The following CDKAL1 variants were observed in gnomAD, a reference collection of about 807,000 sequenced individuals.
The protein encoded by CDKAL1 is CDKAL1 threonylcarbamoyladenosine tRNA methylthiotransferase, also known as threonylcarbamoyladenosine tRNA methylthiotransferase.
Under a neutral mutation model 68.2 loss-of-function variants are expected in CDKAL1, and 32 were observed. The observed-to-expected ratio is 0.47, with a 90% CI of 0.35 to 0.63. CDKAL1 has a LOEUF of 0.63. CDKAL1 is among the 30% of genes least tolerant of loss of function. The pLI, the probability that CDKAL1 is intolerant of heterozygous loss-of-function variation, is 0.00. For synonymous variants in CDKAL1, 234 were observed against 244.3 expected, an observed-to-expected ratio of 0.96 and a Z score of 0.39; for missense variants, 606 against 696.7, an observed-to-expected ratio of 0.87 and a Z score of 1.47.
At position 21,146,850 on chromosome 6, in the gene CDKAL1, C is replaced by CAA. The variant is rs1194653980; in HGVS notation, c.1299+38408_1299+38409dup. ...TGGGCGACAGAGCGAGACTCCGTCT[C>CAA]AAAAAAAAAAAAAAAAAAAAAAGAT... On this transcript the variant is annotated intron_variant, in intron 13 of 15. Transcript: ENST00000274695. 3.8e-3 allele frequency among the ~76,000 whole-genome samples: 297 copies of CAA among 77,786 alleles called. 1 individual carries two copies. Among genetic ancestry groups the CAA allele is most frequent in the African/African-American group, 8.1e-3 (153 of 18,894 alleles). The allele number at this position is 77,786 out of a possible 152,430, so 51.0% of individuals were successfully genotyped here. A position where few individuals can be genotyped will look rare whatever the true frequency, so the allele number is the denominator to read the frequency against.
At chr6:21,100,572 C>G (rs1048916001) in intron 12 of CDKAL1, among the ~76,000 whole-genome samples, 57 of 152,286 alleles carry the variant, frequency 3.7e-4, no homozygotes, top group African/African-American at 1.3e-3. Context: ...CCTTCTTTTT[C>G]TTTGTTTTCC....
At chr6:21,182,168 T>G (rs1156550945) in intron 13 of CDKAL1, among the ~76,000 whole-genome samples, 1 of 152,238 alleles carries the variant, frequency 6.6e-6, no homozygotes, top group Non-Finnish European at 1.5e-5. Context: ...AGCTGCTCTT[T>G]GTTATGAAGA....
rs752407516 is a variant in CDKAL1, at chr6:20,781,190, G to C, written c.563G>C (p.Arg188Pro). The C allele has an allele frequency of 6.2e-7, 1 of 1,613,730 alleles. No homozygotes were observed. The highest frequency in any genetic ancestry group is 8.5e-7 in the Non-Finnish European group (1 of 1,179,854). The change falls in exon 8 of 16, where the codon CGG (arginine) becomes CCG (proline). Residue 188 changes from arginine (R) to proline (P), a missense_variant. Transcript: ENST00000274695. Reference protein sequence around the residue: ...LLGQKKDNGRRLGGARLDLPK... With the variant: ...LLGQKKDNGRPLGGARLDLPK... ...GGTCAGAAAAAGGATAATGGAAGGC[G>C]GCTTGGGGGAGCACGATTGGATTTG...
At chr6:20,541,050 T>A (rs756942721) in intron 2 of CDKAL1, among the ~76,000 whole-genome samples, 13 of 152,148 alleles carry the variant, frequency 8.5e-5, no homozygotes, top group Non-Finnish European at 1.8e-4. Flanking sequence ...CTAGTGCAAT[T>A]TCTTACTGCA....
intron 13 of CDKAL1, among the ~76,000 whole-genome samples, chr6:21,180,734 T>A (rs1196461237): frequency 6.6e-6 from 1 of 152,200 alleles, no homozygotes; most frequent in East Asian, 1.9e-4. Context: ...AGCAATTACA[T>A]CTTTTCAAAG....
chr6:20,846,433 C>G (rs1561826825), intron 9 of CDKAL1, among the ~76,000 whole-genome samples: 1 of 152,146 alleles, frequency 6.6e-6, no homozygotes, highest in Non-Finnish European at 1.5e-5. Flanking sequence ...TATCACCCAC[C>G]TCTAGACTCC....
intron 13 of CDKAL1, among the ~76,000 whole-genome samples, chr6:21,176,708 T>G (rs995840532): frequency 6.7e-6 from 1 of 148,484 alleles, no homozygotes; most frequent in African/African-American, 2.5e-5. Context: ...TTTTTTTTTT[T>G]TTTTGAGACG....
In CDKAL1 at chr6:20,809,612, C is replaced by A. The variant is rs967570861; in HGVS notation, c.638+28347C>A. 3.3e-5 allele frequency among the ~76,000 whole-genome samples: 5 copies of A among 152,190 alleles called. No individual in the cohort carries two copies. The South Asian group carries it at 8.3e-4, about 25-fold the overall frequency. ...TTTTTTTTCTGTTCTCATATGCTTT[C>A]CCCAGAATGCATCATTCTAGTGAAT... On this transcript the variant is annotated intron_variant, in intron 8 of 15. Transcript: ENST00000274695.
intron 10 of CDKAL1, among the ~76,000 whole-genome samples, chr6:20,983,424 A>C (rs1766264270): frequency 6.6e-6 from 1 of 152,222 alleles, no homozygotes; most frequent in African/African-American, 2.4e-5. Flanking sequence ...TATATATCAG[A>C]AACTATACAA....
chr6:21,172,967 C>T (rs1777445574), intron 13 of CDKAL1, among the ~76,000 whole-genome samples: 1 of 150,330 alleles, frequency 6.7e-6, no homozygotes. Context: ...GTAATATTCT[C>T]CTGGTTCTTA....
chr6:20,664,552 G>GA (rs1769437635), intron 5 of CDKAL1, among the ~76,000 whole-genome samples: 1 of 152,114 alleles, frequency 6.6e-6, no homozygotes, highest in South Asian at 2.1e-4. Flanking sequence ...CCTCAAATGA[G>GA]AAAATGGTTT....
chr6:20,846,127 G>T lies in CDKAL1; in HGVS notation c.691G>T (p.Ala231Ser), dbSNP rs747453960. 1.2e-6 allele frequency: 2 copies of T among 1,613,140 alleles called. No homozygotes were observed. The highest frequency in any genetic ancestry group is 2.2e-5 in the East Asian group (1 of 44,786). ...CKTKHARGNL[A>S]SYPIDELVDR... is the part of the protein sequence containing the mutation. ...AACTAAACACGCCAGAGGAAATTTG[G>T]CCAGTTATCCAATTGATGAACTAGT... is the stretch of plus-strand genomic sequence containing the variant. Residue 231 changes from alanine to serine, a missense_variant, in exon 9 of 16, where the codon GCC (alanine) becomes TCC (serine). Ala to Ser is a moderately conservative substitution (Grantham distance 99). Transcript: ENST00000274695.
intron 13 of CDKAL1, among the ~76,000 whole-genome samples, chr6:21,125,328 T>C (rs1215747478): frequency 1.3e-5 from 2 of 152,136 alleles, no homozygotes; most frequent in African/African-American, 4.8e-5. Context: ...TCTGCCATGA[T>C]CATAAGTTCC....
chr6:20,668,453 T>A (rs946364704), intron 5 of CDKAL1, among the ~76,000 whole-genome samples: 6 of 152,210 alleles, frequency 3.9e-5, no homozygotes, highest in Admixed American at 3.9e-4. Context: ...TGCCTCAGCC[T>A]CCTGAGTAGC....
intron 12 of CDKAL1, among the ~76,000 whole-genome samples, chr6:21,066,232 C>CA (rs1335295240): frequency 6.6e-6 from 1 of 151,592 alleles, no homozygotes; most frequent in Non-Finnish European, 1.5e-5. Context: ...ATCATAAAAC[C>CA]AAAATGAAGA....
chr6:20,558,332 A>T (rs1480255458), intron 4 of CDKAL1, among the ~76,000 whole-genome samples: 1 of 152,220 alleles, frequency 6.6e-6, no homozygotes, highest in Non-Finnish European at 1.5e-5. Context: ...AACAGGTTTG[A>T]TAGCTTCCCT....
At chr6:20,646,269 C>G (rs1261863473) in intron 4 of CDKAL1, among the ~76,000 whole-genome samples, 2 of 151,712 alleles carry the variant, frequency 1.3e-5, no homozygotes, top group Non-Finnish European at 2.9e-5. Flanking sequence ...CTTGGTCAGG[C>G]TGGTCTTGAA....
chr6:21,005,012 C>T (rs562340092), intron 11 of CDKAL1, among the ~76,000 whole-genome samples: 1 of 152,142 alleles, frequency 6.6e-6, no homozygotes, highest in East Asian at 1.9e-4. Flanking sequence ...ATATATTTTA[C>T]TATCATTCAT....
At chr6:20,649,095 T>G (rs1768624265) in intron 4 of CDKAL1, among the ~76,000 whole-genome samples, 198 bp from the exon 5 acceptor site, 1 of 152,228 alleles carries the variant, frequency 6.6e-6, no homozygotes, top group Admixed American at 6.5e-5. Context: ...TGAAAAGATA[T>G]AGCATAGATT....
Sources: gnomAD v4.1 joint callset for allele counts (sites outside exome capture counted in the v4.1 genomes callset) on GRCh38, gnomAD v4.1.1 for gene constraint, MANE v1.5 for transcripts, NCBI Gene and HGNC (gene_info 2026-07-23, HGNC 2026-07-21) for gene names.